The following DCAF11 variants were observed in gnomAD, a reference collection of about 807,000 sequenced individuals.
DCAF11 encodes the protein DDB1 and CUL4 associated factor 11, also known as DDB1- and CUL4-associated factor 11.
DCAF11 carries 44 observed loss-of-function variants against 76.1 expected under a neutral mutation model. That is an observed-to-expected ratio of 0.58 (90% CI 0.45 to 0.74). The LOEUF is 0.74. Among genes scored for constraint, DCAF11 ranks in the 30% least tolerant of loss-of-function variants. DCAF11 has a pLI of 0.00. For missense variants in DCAF11, 604 were observed against 709.4 expected (o/e 0.85, Z 1.69); for synonymous variants, 258 against 255.0 (o/e 1.01, Z -0.11).
At chr14:24,115,360 T>TCTTG (rs2037525402) in intron 1 of DCAF11, 22 bp from the exon 2 acceptor site, 1 of 474,344 alleles carries the variant, frequency 2.1e-6, no homozygotes, top group Non-Finnish European at 3.6e-6. Flanking sequence ...TACGGTTCAC[T>TCTTG]CTTGCTTTCT....
In DCAF11 at chr14:24,119,819, A is replaced by G; in HGVS notation, c.1015A>G (p.Thr339Ala). The G allele has an allele frequency of 6.2e-7, 1 of 1,614,138 alleles. No individual in the cohort carries two copies. ...DAICKVWDRR[T>A]MREDDPKPVG... is the part of the protein sequence containing the mutation. ...CATCTGCAAAGTGTGGGATCGACGC[A>G]CCATGCGGGAGGATGACCCCAAGCC... Residue 339 changes from threonine (T) to alanine (A), a missense_variant, in exon 11 of 15, where the codon ACC (threonine) becomes GCC (alanine). Coordinates refer to ENST00000446197, the MANE Select transcript of DCAF11 (RefSeq NM_025230.5).
rs1483847746 is a variant in DCAF11, at chr14:24,114,908, G to A, written c.-599G>A. 9 of 985,884 alleles carry A rather than the reference G, an allele frequency of 9.1e-6. No homozygotes were observed. Among genetic ancestry groups the A allele is most frequent in the Non-Finnish European group, 1.1e-5 (9 of 829,988 alleles). The allele number at this position is 985,884 out of a possible 1,614,324, so 61.1% of individuals were successfully genotyped here. On this transcript the variant is annotated 5_prime_UTR_variant, in exon 1 of 15. Transcript: ENST00000446197. ...AAGGCCTCGCGCCGCTGCGGGTCCT[G>A]CGACCGCTCCTGGCTGGTGGGTGGT...
At position 24,115,481 on chromosome 14, in the gene DCAF11, A is replaced by G; in HGVS notation, c.-114A>G. On this transcript the variant is annotated 5_prime_UTR_variant, in exon 2 of 15. Transcript: ENST00000446197. ...AAGGGTCACCCTCCTAGAGATAGCT[A>G]CTACCCCGTCTCAGGAGACCCTGGT... 2.1e-6 allele frequency: 3 copies of G among 1,454,472 alleles called. No individual in the cohort carries two copies. Among genetic ancestry groups the G allele is most frequent in the Non-Finnish European group, 1.8e-6 (2 of 1,085,684 alleles). The allele number at this position is 1,454,472 out of a possible 1,614,324, so 90.1% of individuals were successfully genotyped here.
At chr14:24,121,315 A>G (rs1161413121) in intron 12 of DCAF11, 50 bp from the exon 13 acceptor site, 25 of 1,610,492 alleles carry the variant, frequency 1.6e-5, no homozygotes, top group Non-Finnish European at 2.0e-5. Flanking sequence ...GTACGAAACA[A>G]TCCCAAAGCA....
chr14:24,123,588 T>C lies in DCAF11; in HGVS notation c.*279T>C, dbSNP rs2037731796. On this transcript the variant is annotated 3_prime_UTR_variant, in exon 15 of 15. Transcript: ENST00000446197. ...GTGTGGCCTCTGCCAGCAAGAGAAG[T>C]GTCCTGGGTGTTTTTAATCATGTTT... 1.3e-5 allele frequency: 5 copies of C among 392,680 alleles called. No individual in the cohort carries two copies. The highest frequency in any genetic ancestry group is 2.2e-5 in the Non-Finnish European group (5 of 223,570). The allele number at this position is 392,680 out of a possible 1,614,324, so 24.3% of individuals were successfully genotyped here. A position where few individuals can be genotyped will look rare whatever the true frequency, so the allele number is the denominator to read the frequency against.
chr14:24,123,431 C>G lies in DCAF11; in HGVS notation c.*122C>G. 1 of 1,412,952 alleles carries G rather than the reference C, an allele frequency of 7.1e-7. No individual in the cohort carries two copies. Among genetic ancestry groups the G allele is most frequent in the Non-Finnish European group, 9.3e-7 (1 of 1,073,328 alleles). 87.5% of individuals were successfully genotyped at this position (1,412,952 alleles called of 1,614,324 possible). On this transcript the variant is annotated 3_prime_UTR_variant, in exon 15 of 15. Transcript: ENST00000446197. ...GCATTTGATGGGGAATAACATAAGC[C>G]TGGGCTCTGAGCCTCAGCTGAGCCC...
chr14:24,122,027 A>G (rs994722452), intron 13 of DCAF11: 3 of 155,414 alleles, frequency 1.9e-5, no homozygotes, highest in Admixed American at 6.3e-5. Flanking sequence ...ATGGCTGGAC[A>G]TGGTGGCACA....
Position 24,120,681 on chromosome 14 carries a change from C to A in DCAF11, c.1093-157C>A, listed in dbSNP as rs548924455. On this transcript the variant is annotated intron_variant, in intron 11 of 14. Transcript: ENST00000446197. ...GGAAAACCTAGCCAGGTGGTAGGAT[C>A]TGAGGCAGAACGCTGGAAATGAGTT... 2.6e-5 allele frequency among the ~76,000 whole-genome samples: 4 copies of A among 152,326 alleles called. No homozygotes were observed. In the South Asian group the frequency reaches 8.3e-4, roughly 32 times the overall value.
chr14:24,124,661 T>G lies in DCAF11; in HGVS notation c.*1352T>G, dbSNP rs2037748235. 1 of 152,270 alleles carries G rather than the reference T, an allele frequency of 6.6e-6. No homozygotes were observed. Among genetic ancestry groups the G allele is most frequent in the African/African-American group, 2.4e-5 (1 of 41,458 alleles). 9.4% of individuals were successfully genotyped at this position (152,270 alleles called of 1,614,324 possible). ...TGGCTCATGCCTGTAATCCTAGCAC[T>G]TTGGGAAGCCAAAGCTGATGGATCG... On this transcript the variant is annotated 3_prime_UTR_variant, in exon 15 of 15. Coordinates refer to ENST00000446197, the MANE Select transcript of DCAF11 (RefSeq NM_025230.5).
At chr14:24,115,800 A>AT (rs753402942) in intron 2 of DCAF11, 51 bp downstream of exon 2, 237 of 1,578,186 alleles carry the variant, frequency 1.5e-4, no homozygotes, top group Non-Finnish European at 2.0e-4. Flanking sequence ...CAGTGCCTTG[A>AT]TCCCAACTCC....
chr14:24,115,641 C>G lies in DCAF11; in HGVS notation c.47C>G (p.Pro16Arg), dbSNP rs143599073. 1.2e-6 allele frequency: 2 copies of G among 1,613,764 alleles called. No homozygotes were observed. Among genetic ancestry groups the G allele is most frequent in the Non-Finnish European group, 1.7e-6 (2 of 1,179,940 alleles). ...SSSAGSGSGDPSEGLPRRGAG... is the reference protein window; with the variant it reads ...SSSAGSGSGDRSEGLPRRGAG... ...AGTGCAGGATCCGGGTCCGGAGACC[C>G]CTCCGAGGGCTTGCCCCGAAGAGGG... Residue 16 changes from proline (P) to arginine (R), a missense_variant, in exon 2 of 15, where the codon CCC (proline) becomes CGC (arginine). Physicochemically the swap from Pro to Arg is moderately radical, Grantham distance 103. Coordinates refer to ENST00000446197, the MANE Select transcript of DCAF11 (RefSeq NM_025230.5).
chr14:24,119,160 C>T lies in DCAF11; in HGVS notation c.795C>T (p.Arg265=). ...TALDLRPDER[R]FAVFSIAVSS... ...TTGCTTTTAGGCCAGATGAGCGTCG[C>T]TTTGCTGTCTTCTCCATTGCTGTCT... Residue 265 remains arginine (R), a synonymous_variant, in exon 9 of 15, where the codon CGC becomes CGT. Coordinates refer to ENST00000446197, the MANE Select transcript of DCAF11 (RefSeq NM_025230.5). 2 of 1,614,204 alleles carry T rather than the reference C, an allele frequency of 1.2e-6. No homozygotes were observed. The highest frequency in any genetic ancestry group is 1.7e-6 in the Non-Finnish European group (2 of 1,180,036).
Position 24,119,138 on chromosome 14 carries a change from C to A in DCAF11, c.780-7C>A. On this transcript the variant is annotated splice_polypyrimidine_tract_variant and splice_region_variant and intron_variant, in intron 8 of 14. Coordinates refer to ENST00000446197, the MANE Select transcript of DCAF11 (RefSeq NM_025230.5). ...GTCCACTTAACCCAGCTCCTTCTTGCTTTTAGGCCAGATGAGCGTCGCTTT... is the reference window on the plus strand; with the variant it reads ...GTCCACTTAACCCAGCTCCTTCTTGATTTTAGGCCAGATGAGCGTCGCTTT... 1 of 1,614,214 alleles carries A rather than the reference C, an allele frequency of 6.2e-7. No homozygotes were observed. Among genetic ancestry groups the A allele is most frequent in the Non-Finnish European group, 8.5e-7 (1 of 1,180,036 alleles).
intron 13 of DCAF11, chr14:24,121,725 T>A: frequency 1.7e-6 from 1 of 578,574 alleles, no homozygotes; most frequent in Non-Finnish European, 2.9e-6. Context: ...TTCTAGACAG[T>A]AAATATAATA....
rs755390351 is a variant in DCAF11, at chr14:24,119,598, G to A, written c.888G>A (p.Gln296=). The A allele has an allele frequency of 6.2e-7, 1 of 1,614,214 alleles. No individual in the cohort carries two copies. Among genetic ancestry groups the A allele is most frequent in the Non-Finnish European group, 8.5e-7 (1 of 1,180,040 alleles). ...GCCTGTATGTCTTTGACCGAGAACAGAACCGGCGCACCCTTCAGGTATGGC... is the reference window on the plus strand; with the variant it reads ...GCCTGTATGTCTTTGACCGAGAACAAAACCGGCGCACCCTTCAGGTATGGC... ...DGCLYVFDRE[Q]NRRTLQIESH... Residue 296 remains glutamine, a synonymous_variant, in exon 10 of 15, where the codon CAG becomes CAA. Transcript: ENST00000446197.
Position 24,123,327 on chromosome 14 carries a change from AT to A in DCAF11, c.*19del. 1 of 1,514,538 alleles carries A rather than the reference AT, an allele frequency of 6.6e-7. No individual in the cohort carries two copies. Among genetic ancestry groups the A allele is most frequent in the Non-Finnish European group, 8.8e-7 (1 of 1,131,590 alleles). 93.8% of individuals were successfully genotyped at this position (1,514,538 alleles called of 1,614,324 possible). On this transcript the variant is annotated 3_prime_UTR_variant, in exon 15 of 15. Coordinates refer to ENST00000446197, the MANE Select transcript of DCAF11 (RefSeq NM_025230.5). ...CCCAGTAGATCCAACCTCCAGCCCCATATAGGGTGAACCTCTTGATAAGCTC... is the reference window on the plus strand; with the variant it reads ...CCCAGTAGATCCAACCTCCAGCCCCAATAGGGTGAACCTCTTGATAAGCTC...
At position 24,114,834 on chromosome 14, in the gene DCAF11, C is replaced by G. The variant is rs1466092637; in HGVS notation, c.-673C>G. The stretch of plus-strand genomic sequence containing the variant: ...CGCGAGATGCGTGACGAGCGAAGCG[C>G]GTGACGGAGGAGCGGTTGGCCAACG... On this transcript the variant is annotated 5_prime_UTR_variant, in exon 1 of 15. Coordinates refer to ENST00000446197, the MANE Select transcript of DCAF11 (RefSeq NM_025230.5). 2.0e-6 allele frequency: 2 copies of G among 985,836 alleles called. No individual in the cohort carries two copies. Among genetic ancestry groups the G allele is most frequent in the African/African-American group, 3.5e-5 (2 of 57,252 alleles). 61.1% of individuals were successfully genotyped at this position (985,836 alleles called of 1,614,324 possible). A position where few individuals can be genotyped will look rare whatever the true frequency, so the allele number is the denominator to read the frequency against.
intron 8 of DCAF11, 110 bp downstream of exon 8, chr14:24,118,914 G>A (rs1341729651): frequency 3.1e-6 from 4 of 1,295,586 alleles, no homozygotes; most frequent in East Asian, 2.3e-5. Flanking sequence ...GTATACTGGT[G>A]GGTCTGTGTG....
In DCAF11 at chr14:24,118,448, A is replaced by G; in HGVS notation, c.638A>G (p.Lys213Arg). 1.2e-6 allele frequency: 2 copies of G among 1,614,234 alleles called. No homozygotes were observed. Among genetic ancestry groups the G allele is most frequent in the South Asian group, 1.1e-5 (1 of 91,088 alleles). Residue 213 changes from lysine (K) to arginine (R), a missense_variant, in exon 7 of 15, where the codon AAG becomes AGG. Coordinates refer to ENST00000446197, the MANE Select transcript of DCAF11 (RefSeq NM_025230.5). ...CGTTTCCGTAAATTCAAGAGCATCAAGGCCCGCGACGTAGGCTGGAGCGTC... is the reference window on the plus strand; with the variant it reads ...CGTTTCCGTAAATTCAAGAGCATCAGGGCCCGCGACGTAGGCTGGAGCGTC... ...YGRFRKFKSI[K>R]ARDVGWSVLD...
Sources: gnomAD v4.1 joint callset for allele counts (sites outside exome capture counted in the v4.1 genomes callset) on GRCh38, gnomAD v4.1.1 for gene constraint, MANE v1.5 for transcripts, NCBI Gene and HGNC (gene_info 2026-07-23, HGNC 2026-07-21) for gene names.